The following TXNL1 variants were observed in gnomAD, a reference collection of about 807,000 sequenced individuals.
The protein encoded by TXNL1 is thioredoxin-like protein 1.
In TXNL1, 14 loss-of-function variants were observed where a neutral mutation model predicts 35.5. That is an observed-to-expected ratio of 0.39 (90% CI 0.26 to 0.62). The LOEUF is 0.62. Among genes scored for constraint, TXNL1 ranks in the 20% least tolerant of loss-of-function variants. The pLI is 0.47. For missense variants in TXNL1, 263 were observed against 349.7 expected (o/e 0.75, Z 1.98); for synonymous variants, 110 against 115.5 (o/e 0.95, Z 0.31).
At chr18:56,605,163 AAG>A (rs1185273747) in intron 7 of TXNL1, 2 of 152,186 alleles carry the variant, frequency 1.3e-5, no homozygotes, top group African/African-American at 4.8e-5. Context: ...GATCTGAAGA[AAG>A]AGATGATTGA....
intron 1 of TXNL1, among the ~76,000 whole-genome samples, chr18:56,630,124 G>A (rs917652947): frequency 6.6e-6 from 1 of 151,794 alleles, no homozygotes; most frequent in African/African-American, 2.4e-5. Context: ...ACTTGAACCC[G>A]GAAGGTTGTA....
At chr18:56,612,994 A>G (rs1452274704) in intron 6 of TXNL1, among the ~76,000 whole-genome samples, 1 of 151,790 alleles carries the variant, frequency 6.6e-6, no homozygotes, top group Admixed American at 6.6e-5. Context: ...GCGCATCACC[A>G]TGCCCAGCTA....
chr18:56,609,108 T>C (rs942474057), intron 7 of TXNL1: 16 of 152,292 alleles, frequency 1.1e-4, no homozygotes, highest in Admixed American at 1.0e-3. Flanking sequence ...AACTTATAAA[T>C]GGCAAATATC....
intron 7 of TXNL1, among the ~76,000 whole-genome samples, chr18:56,606,756 T>C (rs563317298): frequency 1.3e-5 from 2 of 152,214 alleles, no homozygotes; most frequent in Non-Finnish European, 2.9e-5. Flanking sequence ...TTTGTCCCTA[T>C]GTTATCTACA....
Position 56,603,041 on chromosome 18 carries a change from C to T in TXNL1, c.856G>A (p.Gly286Arg). ...NDFKRVVGKK[G>R]ESH ...TCTTTTGTACCTTAGTGGCTTTCTC[C>T]TTTTTTGCCAACTACCTAGAAAAAC... The change falls in exon 8 of 8, where the codon GGA becomes AGA. Residue 286 changes from glycine (G) to arginine (R), a missense_variant. Transcript: ENST00000217515. 1 of 1,613,660 alleles carries T rather than the reference C, an allele frequency of 6.2e-7. No individual in the cohort carries two copies. Among genetic ancestry groups the T allele is most frequent in the Non-Finnish European group, 8.5e-7 (1 of 1,179,786 alleles).
chr18:56,626,163 T>G, intron 2 of TXNL1, 198 bp downstream of exon 2: 1 of 1,302,956 alleles, frequency 7.7e-7, no homozygotes. Flanking sequence ...AATACAAACC[T>G]GAAGCAATTA....
intron 1 of TXNL1, among the ~76,000 whole-genome samples, chr18:56,630,577 C>T (rs2024355104): frequency 6.6e-6 from 1 of 152,184 alleles, no homozygotes; most frequent in African/African-American, 2.4e-5. Flanking sequence ...TAGGAATAAT[C>T]ACACATGAAC....
In TXNL1 at chr18:56,624,396, TCTCA is replaced by T; in HGVS notation, c.257_260del (p.Val86GlufsTer13). ...CATCTGCTCCTTGATATTGATCAAT[TCTCA>T]CTTTGTTTCGAAAAAACAAAAATGT... On this transcript the variant is annotated frameshift_variant, in exon 3 of 8. Transcript: ENST00000217515. LOFTEE classifies it high-confidence loss of function. 10 of 1,613,882 alleles carry T rather than the reference TCTCA, an allele frequency of 6.2e-6. No homozygotes were observed. The highest frequency in any genetic ancestry group is 8.5e-6 in the Non-Finnish European group (10 of 1,179,834).
chr18:56,637,196 A>G lies in TXNL1; in HGVS notation c.98+1147T>C, dbSNP rs1385136508. Among the ~76,000 whole-genome samples, 3 of 152,344 alleles carry G rather than the reference A, an allele frequency of 2.0e-5. No homozygotes were observed. The East Asian group carries it at 5.8e-4, about 29-fold the overall frequency. ...CTGCATCCATTCCCTAAAACGATATAATCCTAATGCCACCATTTATATACT... is the reference window on the plus strand; with the variant it reads ...CTGCATCCATTCCCTAAAACGATATGATCCTAATGCCACCATTTATATACT... On this transcript the variant is annotated intron_variant, in intron 1 of 7. Coordinates refer to ENST00000217515, the MANE Select transcript of TXNL1 (RefSeq NM_004786.3).
chr18:56,636,468 AG>A (rs2024456843), intron 1 of TXNL1, among the ~76,000 whole-genome samples: 1 of 152,214 alleles, frequency 6.6e-6, no homozygotes, highest in Non-Finnish European at 1.5e-5. Flanking sequence ...GGAATATTAA[AG>A]GTAAATACAA....
chr18:56,634,379 C>T (rs2024423893), intron 1 of TXNL1, among the ~76,000 whole-genome samples: 2 of 152,100 alleles, frequency 1.3e-5, no homozygotes, highest in South Asian at 2.1e-4. Context: ...ATTATTTAAC[C>T]TCTCTGTGAC....
intron 3 of TXNL1, among the ~76,000 whole-genome samples, chr18:56,619,911 G>A (rs1183382349): frequency 6.6e-6 from 1 of 152,036 alleles, no homozygotes; most frequent in Non-Finnish European, 1.5e-5. Flanking sequence ...GACAGATTAA[G>A]TAAATTTCCT....
chr18:56,618,212 G>A, intron 3 of TXNL1, 86 bp from the exon 4 acceptor site: 2 of 1,401,660 alleles, frequency 1.4e-6, no homozygotes, highest in South Asian at 1.3e-5. Flanking sequence ...ATTCTCTTTA[G>A]GCAATTTTAA....
intron 7 of TXNL1, among the ~76,000 whole-genome samples, chr18:56,606,062 A>G (rs1013800227): frequency 6.6e-6 from 1 of 152,230 alleles, no homozygotes; most frequent in Non-Finnish European, 1.5e-5. Flanking sequence ...TATAAAATAT[A>G]TGCCAAATCT....
At chr18:56,616,195 C>A (rs1598916057) in intron 5 of TXNL1, 50 bp downstream of exon 5, 1 of 1,472,286 alleles carries the variant, frequency 6.8e-7, no homozygotes, top group Non-Finnish European at 9.3e-7. Context: ...TTTATGCTAA[C>A]AGTTCTACAA....
At chr18:56,606,866 AATAAG>A (rs1449998376) in intron 7 of TXNL1, among the ~76,000 whole-genome samples, 1 of 152,232 alleles carries the variant, frequency 6.6e-6, no homozygotes, top group Non-Finnish European at 1.5e-5. Context: ...GGTGCAGTAC[AATAAG>A]ATATTTTGAG....
At chr18:56,626,795 G>GTTTTT (rs1221334957) in intron 1 of TXNL1, among the ~76,000 whole-genome samples, 40 of 29,042 alleles carry the variant, frequency 1.4e-3, no homozygotes, top group Non-Finnish European at 3.1e-3. Flanking sequence ...CACCAAGCCG[G>GTTTTT]TCTTTTTTTT....
intron 1 of TXNL1, among the ~76,000 whole-genome samples, chr18:56,626,661 T>C (rs2024285864): frequency 6.6e-6 from 1 of 151,798 alleles, no homozygotes; most frequent in African/African-American, 2.4e-5. Flanking sequence ...CACGCCCAGC[T>C]AATTTTTGTA....
intron 3 of TXNL1, among the ~76,000 whole-genome samples, chr18:56,623,712 T>C (rs2024229126): frequency 6.6e-6 from 1 of 152,174 alleles, no homozygotes; most frequent in Non-Finnish European, 1.5e-5. Flanking sequence ...AGTCTTTATG[T>C]TGTTATTTGA....
Sources: gnomAD v4.1 joint callset for allele counts (sites outside exome capture counted in the v4.1 genomes callset) on GRCh38, gnomAD v4.1.1 for gene constraint, MANE v1.5 for transcripts, NCBI Gene and HGNC (gene_info 2026-07-23, HGNC 2026-07-21) for gene names.